The following NLRP10 variants were observed in gnomAD, a reference collection of about 807,000 sequenced individuals.
NLRP10 encodes NLR family pyrin domain containing 10.
A neutral mutation model predicts 8.2 loss-of-function variants in NLRP10; 7 were observed. That is an observed-to-expected ratio of 0.85 (90% CI 0.48 to 1.60). The LOEUF (loss-of-function observed/expected upper bound fraction) is 1.60, where lower values mean the gene tolerates loss of function less well. Ranked by LOEUF, NLRP10 falls within the 40% of genes most tolerant of loss-of-function variation. The pLI is 0.00. For synonymous variants in NLRP10, 338 were observed against 314.0 expected, an observed-to-expected ratio of 1.08 and a Z score of -0.81; for missense variants, 814 against 776.3, an observed-to-expected ratio of 1.05 and a Z score of -0.58.
Position 7,959,030 on chromosome 11 carries a change from T to A in NLRP10, c.*614A>T, listed in dbSNP as rs1021758671. Among the ~76,000 whole-genome samples, 5 of 152,216 alleles carry A rather than the reference T, an allele frequency of 3.3e-5. No individual in the cohort carries two copies. The highest frequency in any genetic ancestry group is 1.2e-4 in the African/African-American group (5 of 41,456). On this transcript the variant is annotated 3_prime_UTR_variant, in exon 3 of 3. Transcript: ENST00000691676. ...AATGATTCATGCTTTTGCTGTTATATCTAAAAAGTCATCGCCAAACCCAAG... is the reference window on the plus strand; with the variant it reads ...AATGATTCATGCTTTTGCTGTTATAACTAAAAAGTCATCGCCAAACCCAAG...
chr11:7,962,810 C>T (rs1287617992), intron 2 of NLRP10, among the ~76,000 whole-genome samples: 11 of 152,080 alleles, frequency 7.2e-5, no homozygotes, highest in African/African-American at 1.4e-4. Flanking sequence ...GACTTAGAAG[C>T]GCCTGAGCAG....
At position 7,960,525 on chromosome 11, in the gene NLRP10, A is replaced by C; in HGVS notation, c.1087T>G (p.Trp363Gly). The C allele has an allele frequency of 6.2e-7, 1 of 1,614,238 alleles. No individual in the cohort carries two copies. Among genetic ancestry groups the C allele is most frequent in the Non-Finnish European group, 8.5e-7 (1 of 1,180,042 alleles). ...CCTCTCTCCATCTGCCCCTGCAGCC[A>C]GGAGCAGACCACCCAGCAAATGCCT... ...VPGICWVVCS[W>G]LQGQMERGKV... is the part of the protein sequence containing the mutation. The change falls in exon 3 of 3, where the codon TGG becomes GGG. Residue 363 changes from tryptophan to glycine, a missense_variant. Coordinates refer to ENST00000691676, the MANE Select transcript of NLRP10 (RefSeq NM_001391958.1).
intron 2 of NLRP10, among the ~76,000 whole-genome samples, chr11:7,961,926 G>C (rs11041690): frequency 0.011 from 1,627 of 152,192 alleles, 37 homozygotes; most frequent in East Asian, 0.071. Context: ...TGAATGTCTT[G>C]GGGCCCTCCC....
At position 7,963,485 on chromosome 11, in the gene NLRP10, G is replaced by A. The variant is rs759502711; in HGVS notation, c.11C>T (p.Ala4Val). 1.9e-5 allele frequency: 31 copies of A among 1,610,764 alleles called. No homozygotes were observed. The East Asian group carries it at 6.9e-4, about 36-fold the overall frequency. Residue 4 changes from alanine (A) to valine (V), a missense_variant, in exon 2 of 3, where the codon GCC becomes GTC. Physicochemically the swap from Ala to Val is moderately conservative, Grantham distance 64 (BLOSUM62 0). Transcript: ENST00000691676. MAM[A>V]KARKPREALL... ...TGCCTCCCGGGGCTTTCTGGCCTTG[G>A]CCATGGCCATGGTGATCTGGGGGAA...
chr11:7,963,952 A>G (rs1941778367), intron 1 of NLRP10, among the ~76,000 whole-genome samples: 1 of 151,888 alleles, frequency 6.6e-6, no homozygotes, highest in East Asian at 1.9e-4. Context: ...GACAGAGTCT[A>G]CCTCTGTTGC....
chr11:7,965,014 A>G (rs998809613), intron 1 of NLRP10, among the ~76,000 whole-genome samples: 3 of 152,216 alleles, frequency 2.0e-5, no homozygotes, highest in African/African-American at 7.2e-5. Context: ...TGACAGAGAA[A>G]GAAAATGTTT....
chr11:7,962,536 G>A (rs867368441), intron 2 of NLRP10, among the ~76,000 whole-genome samples: 5 of 152,056 alleles, frequency 3.3e-5, no homozygotes, highest in Admixed American at 6.5e-5. Context: ...GCGCCCAGCC[G>A]ATAAGCCTGT....
rs1941721208 is a variant in NLRP10, at chr11:7,961,172, A to G, written c.440T>C (p.Leu147Pro). ...TAGAGCCTCCACCGTGACAGACTCC[A>G]GCTCCTGCTCCGGGAAGGGGCAGGC... ...SLACPFPEQE[L>P]ESVTVEALFD... Residue 147 changes from leucine to proline, a missense_variant, in exon 3 of 3, where the codon CTG (leucine) becomes CCG (proline). Physicochemically the swap from Leu to Pro is moderately conservative, Grantham distance 98 (BLOSUM62 -3). Coordinates refer to ENST00000691676, the MANE Select transcript of NLRP10 (RefSeq NM_001391958.1). 2 of 1,613,912 alleles carry G rather than the reference A, an allele frequency of 1.2e-6. No individual in the cohort carries two copies. Among genetic ancestry groups the G allele is most frequent in the Non-Finnish European group, 1.7e-6 (2 of 1,179,924 alleles).
In NLRP10 at chr11:7,961,220, C is replaced by A. The variant is rs1202424374; in HGVS notation, c.392G>T (p.Ser131Ile). 2 of 1,613,742 alleles carry A rather than the reference C, an allele frequency of 1.2e-6. No homozygotes were observed. The highest frequency in any genetic ancestry group is 2.2e-5 in the South Asian group (2 of 91,054). The change falls in exon 3 of 3, where the codon AGC (serine) becomes ATC (isoleucine). Residue 131 changes from serine to isoleucine, a missense_variant. Transcript: ENST00000691676. ...GGCAAGTGATTCTGGGCTCTCTGAG[C>A]TGGGCTTGGCCACCAGGAGCACCTG... ...YNQVLLVAKP[S>I]SESPESLACP...
rs530184451 is a variant in NLRP10 at position 7,963,666 on chromosome 11, C to T, written c.-45-126G>A. On this transcript the variant is annotated intron_variant, in intron 1 of 2. Coordinates refer to ENST00000691676, the MANE Select transcript of NLRP10 (RefSeq NM_001391958.1). ...TACATGTGCAAAGCTCCAAGAAAGACAAGCAGATGAAACGCAGGGGAATTT... is the reference window on the plus strand; with the variant it reads ...TACATGTGCAAAGCTCCAAGAAAGATAAGCAGATGAAACGCAGGGGAATTT... The T allele has an allele frequency of 5.8e-5, 35 of 599,682 alleles. No individual in the cohort carries two copies. The South Asian group carries it at 6.4e-4, about 11-fold the overall frequency. 37.1% of individuals were successfully genotyped at this position (599,682 alleles called of 1,614,324 possible). A position where few individuals can be genotyped will look rare whatever the true frequency, so the allele number is the denominator to read the frequency against.
intron 1 of NLRP10, among the ~76,000 whole-genome samples, chr11:7,963,939 G>T (rs1012411425): frequency 6.6e-6 from 1 of 151,224 alleles, no homozygotes; most frequent in Non-Finnish European, 1.5e-5. Context: ...TATTTTTTTT[G>T]GAGACAGAGT....
intron 2 of NLRP10, among the ~76,000 whole-genome samples, 198 bp from the exon 3 acceptor site, chr11:7,961,520 C>T (rs926842094): frequency 6.6e-6 from 1 of 152,098 alleles, no homozygotes; most frequent in African/African-American, 2.4e-5. Context: ...TATGCATATG[C>T]ACATCTGTAT....
Position 7,960,085 on chromosome 11 carries a change from C to A in NLRP10, c.1527G>T (p.Glu509Asp). Residue 509 changes from glutamate to aspartate, a missense_variant, in exon 3 of 3, where the codon GAG becomes GAT. By Grantham distance (45) the Glu-to-Asp change is conservative. Transcript: ENST00000691676. ...GTAAAAACTGCATAGTGAGGGTCATCTCATCATTCCCTTCCTGCTCCTTTA... is the reference window on the plus strand; with the variant it reads ...GTAAAAACTGCATAGTGAGGGTCATATCATCATTCCCTTCCTGCTCCTTTA... ...LEVKEQEGND[E>D]MTLTMQFLLD... The A allele has an allele frequency of 6.2e-7, 1 of 1,614,182 alleles. No homozygotes were observed. Among genetic ancestry groups the A allele is most frequent in the Non-Finnish European group, 8.5e-7 (1 of 1,180,032 alleles).
At chr11:7,963,091 A>T in intron 2 of NLRP10, 116 bp downstream of exon 2, 1 of 999,344 alleles carries the variant, frequency 1.0e-6, no homozygotes, top group Non-Finnish European at 1.5e-6. Context: ...ACCAGGGACT[A>T]GAGGACAAGG....
rs756162337 is a variant in NLRP10, at chr11:7,960,034, GA to G, written c.1577del (p.Phe526SerfsTer16). 17 of 1,614,106 alleles carry G rather than the reference GA, an allele frequency of 1.1e-5. No homozygotes were observed. The highest frequency in any genetic ancestry group is 1.4e-5 in the Non-Finnish European group (17 of 1,179,984). On this transcript the variant is annotated frameshift_variant, in exon 3 of 3. Transcript: ENST00000691676. LOFTEE classifies it low-confidence loss of function (END_TRUNC). ...AGCAGAACTTGAGCTCCAAGTTCGA[GA>G]AGCTGTCTTTTTTCGAGATGTCCAG... ...FLLDISKKDS[F>X]SNLELKFCFR...
rs1941761925 is a variant in NLRP10, at chr11:7,963,189, C to T, written c.289+18G>A. 1.2e-6 allele frequency: 2 copies of T among 1,608,644 alleles called. No homozygotes were observed. The highest frequency in any genetic ancestry group is 8.5e-7 in the Non-Finnish European group (1 of 1,176,574). On this transcript the variant is annotated intron_variant, in intron 2 of 2. Transcript: ENST00000691676. ...CCCAGTGCCATCCTGCCCTCCCCTT[C>T]CCCCGCTCCACACTCACCATGCAGA...
intron 2 of NLRP10, 46 bp downstream of exon 2, chr11:7,963,161 A>T (rs1941761298): frequency 1.5e-5 from 23 of 1,563,896 alleles, no homozygotes; most frequent in Non-Finnish European, 1.9e-5. Flanking sequence ...GTGGGAGGGG[A>T]GTCCCAGTGC....
chr11:7,962,373 C>G (rs1319098864), intron 2 of NLRP10, among the ~76,000 whole-genome samples: 1 of 151,358 alleles, frequency 6.6e-6, no homozygotes, highest in Non-Finnish European at 1.5e-5. Flanking sequence ...GTAGCTGGGA[C>G]CACAGGCGCA....
chr11:7,958,566 T>C lies in NLRP10; in HGVS notation c.*1078A>G, dbSNP rs1433650227. On this transcript the variant is annotated 3_prime_UTR_variant, in exon 3 of 3. Transcript: ENST00000691676. ...CAATCTTTTTACTCACCTTTTTTTTTTTGAGGCAGAGTCTCACTCTGTTGC... is the reference window on the plus strand; with the variant it reads ...CAATCTTTTTACTCACCTTTTTTTTCTTGAGGCAGAGTCTCACTCTGTTGC... 6.6e-6 allele frequency among the ~76,000 whole-genome samples: 1 copy of C among 152,216 alleles called. No individual in the cohort carries two copies. The highest frequency in any genetic ancestry group is 1.5e-5 in the Non-Finnish European group (1 of 68,030).
Sources: allele counts gnomAD v4.1 joint callset (sites outside exome capture counted in the v4.1 genomes callset), GRCh38; gene constraint gnomAD v4.1.1; transcripts MANE v1.5; gene names NCBI Gene and HGNC (gene_info 2026-07-23, HGNC 2026-07-21).